The following TENM3 variants were observed in gnomAD, a reference collection of about 807,000 sequenced individuals.
The protein encoded by TENM3 is teneurin transmembrane protein 3, also known as teneurin-3.
In TENM3, 63 loss-of-function variants were observed where a neutral mutation model predicts 255.1. The ratio of observed to expected loss-of-function variants is 0.25; its 90% confidence interval spans 0.20 to 0.30. The LOEUF is 0.30. Ranked by LOEUF, TENM3 falls within the 10% of genes least tolerant of loss-of-function variation. The pLI is 1.00. For synonymous variants in TENM3, 1,306 were observed against 1,322.3 expected (o/e 0.99, Z 0.27); for missense variants, 2,929 against 3,461.1 (o/e 0.85, Z 3.86).
chr4:182,526,655 C>T (rs1739219024), intron 3 of TENM3, among the ~76,000 whole-genome samples: 1 of 152,166 alleles, frequency 6.6e-6, no homozygotes, highest in Non-Finnish European at 1.5e-5. Flanking sequence ...GTTCACCTCT[C>T]AAACAGAGAA....
chr4:181,753,563 G>T, the TENM3 span, among the ~76,000 whole-genome samples: 217 of 151,776 alleles, frequency 1.4e-3, no homozygotes, highest in African/African-American at 5.1e-3. Flanking sequence ...TCTTGAGTTC[G>T]GTATATAAAA....
At chr4:182,336,599 A>G (rs1293097094) in intron 2 of TENM3, among the ~76,000 whole-genome samples, 3 of 152,202 alleles carry the variant, frequency 2.0e-5, no homozygotes, top group Non-Finnish European at 2.9e-5. Flanking sequence ...GTTGGAGAAG[A>G]AAAGCACCTT....
chr4:182,445,061 G>C (rs191148716), intron 3 of TENM3, among the ~76,000 whole-genome samples: 1 of 152,002 alleles, frequency 6.6e-6, no homozygotes, highest in Non-Finnish European at 1.5e-5. Flanking sequence ...CACCCACCTC[G>C]GCCTCCCAAA....
At chr4:182,740,943 G>C (rs939263232) in intron 18 of TENM3, among the ~76,000 whole-genome samples, 14 of 152,178 alleles carry the variant, frequency 9.2e-5, no homozygotes, top group Non-Finnish European at 1.8e-4. Flanking sequence ...TTGGGAGGCT[G>C]AGGTGGGCAG....
At chr4:181,884,121 T>A in the TENM3 span, among the ~76,000 whole-genome samples, 1 of 152,080 alleles carries the variant, frequency 6.6e-6, no homozygotes, top group Non-Finnish European at 1.5e-5. Flanking sequence ...TACTGATAAG[T>A]TTATCTGGCA....
chr4:182,002,657 A>T, the TENM3 span, among the ~76,000 whole-genome samples: 1 of 152,056 alleles, frequency 6.6e-6, no homozygotes, highest in Admixed American at 6.6e-5. Flanking sequence ...AGTATCCCTG[A>T]TGAACTTCTT....
intron 1 of TENM3, among the ~76,000 whole-genome samples, chr4:182,261,032 C>T (rs1031270486): frequency 3.3e-5 from 5 of 152,048 alleles, no homozygotes; most frequent in African/African-American, 4.8e-5. Context: ...CGCACCAGCA[C>T]GCCCAGCTAA....
chr4:181,655,648 G>A, the TENM3 span, among the ~76,000 whole-genome samples: 2 of 152,234 alleles, frequency 1.3e-5, no homozygotes, highest in Non-Finnish European at 2.9e-5. Context: ...GAGGGTGACA[G>A]TCCCTGAGGA....
chr4:182,635,825 C>T (rs886851224), intron 5 of TENM3, among the ~76,000 whole-genome samples: 2 of 152,042 alleles, frequency 1.3e-5, no homozygotes, highest in Non-Finnish European at 2.9e-5. Context: ...TACTTCTGGG[C>T]CTATTTGCAT....
At chr4:182,611,449 A>G (rs1748994857) in intron 4 of TENM3, among the ~76,000 whole-genome samples, 1 of 151,850 alleles carries the variant, frequency 6.6e-6, no homozygotes, top group Non-Finnish European at 1.5e-5. Flanking sequence ...TACTAATCAT[A>G]CCATATTTTT....
chr4:182,168,706 G>A (rs1268478605), intron 1 of TENM3, among the ~76,000 whole-genome samples: 2 of 152,148 alleles, frequency 1.3e-5, no homozygotes, highest in Non-Finnish European at 2.9e-5. Context: ...AAAAGTTTAA[G>A]ATGTAACTTT....
the TENM3 span, among the ~76,000 whole-genome samples, chr4:181,959,899 G>T: frequency 2.0e-5 from 3 of 152,156 alleles, no homozygotes; most frequent in Non-Finnish European, 2.9e-5. Context: ...TCCTAAAATA[G>T]GGGTAGAGAG....
the TENM3 span, among the ~76,000 whole-genome samples, chr4:181,547,894 G>T: frequency 0.34 from 51,944 of 151,524 alleles, 9,636 homozygotes; most frequent in East Asian, 0.5. Context: ...GTGCCATGTT[G>T]GTGTGCTGCA....
chr4:182,582,246 T>G (rs1479815977), intron 3 of TENM3, among the ~76,000 whole-genome samples: 1 of 152,194 alleles, frequency 6.6e-6, no homozygotes, highest in Non-Finnish European at 1.5e-5. Flanking sequence ...TTCCTCTTCA[T>G]TTCCTTCTTG....
the TENM3 span, among the ~76,000 whole-genome samples, chr4:181,879,096 T>A: frequency 6.6e-6 from 1 of 152,162 alleles, no homozygotes; most frequent in Non-Finnish European, 1.5e-5. Flanking sequence ...TCCCAGTAAA[T>A]ATCTCTCTGG....
At chr4:181,849,947 T>TCACACA in the TENM3 span, among the ~76,000 whole-genome samples, 9 of 26,154 alleles carry the variant, frequency 3.4e-4, no homozygotes, top group African/African-American at 5.7e-4. Flanking sequence ...TCTCTCTCTC[T>TCACACA]CTCACACACA....
chr4:182,001,685 G>A, the TENM3 span, among the ~76,000 whole-genome samples: 4 of 152,116 alleles, frequency 2.6e-5, no homozygotes, highest in East Asian at 7.7e-4. Context: ...TGTGCACTTA[G>A]AGAATGCAGA....
intron 1 of TENM3, among the ~76,000 whole-genome samples, chr4:182,179,914 AC>A (rs1472642031): frequency 1.3e-5 from 2 of 151,574 alleles, no homozygotes; most frequent in Non-Finnish European, 2.9e-5. Flanking sequence ...ATTTTTTCAG[AC>A]CTCATATTCA....
chr4:182,701,419 C>T (rs964795666), intron 12 of TENM3, among the ~76,000 whole-genome samples: 9 of 151,446 alleles, frequency 5.9e-5, no homozygotes, highest in African/African-American at 1.9e-4. Flanking sequence ...ACGAGGTTTC[C>T]TCGTGTTAGC....
Sources: gnomAD v4.1 joint callset for allele counts (sites outside exome capture counted in the v4.1 genomes callset) on GRCh38, gnomAD v4.1.1 for gene constraint, MANE v1.5 for transcripts, NCBI Gene and HGNC (gene_info 2026-07-23, HGNC 2026-07-21) for gene names.